The following PAPSS1 variants were observed in gnomAD, a reference collection of about 807,000 sequenced individuals.
PAPSS1 encodes the protein 3'-phosphoadenosine 5'-phosphosulfate synthase 1.
Under a neutral mutation model 72.0 loss-of-function variants are expected in PAPSS1, and 50 were observed. That is an observed-to-expected ratio of 0.69 (90% CI 0.55 to 0.88). The LOEUF is 0.88. Ranked by LOEUF, PAPSS1 falls within the 40% of genes least tolerant of loss-of-function variation. PAPSS1 has a pLI of 0.00. For synonymous variants in PAPSS1, 261 were observed against 263.6 expected (o/e 0.99, Z 0.09); for missense variants, 657 against 782.2 (o/e 0.84, Z 1.91).
chr4:107,665,049 A>C (rs1727280493), intron 5 of PAPSS1, among the ~76,000 whole-genome samples: 2 of 152,222 alleles, frequency 1.3e-5, no homozygotes. Flanking sequence ...AACATTCGAA[A>C]GGTTGCTACT....
At chr4:107,685,427 T>A (rs1433798295) in intron 4 of PAPSS1, among the ~76,000 whole-genome samples, 1 of 152,160 alleles carries the variant, frequency 6.6e-6, no homozygotes, top group Non-Finnish European at 1.5e-5. Flanking sequence ...AGTAAAAGGT[T>A]TAGACTTTAT....
At chr4:107,636,860 C>T (rs989205716) in intron 10 of PAPSS1, among the ~76,000 whole-genome samples, 1 of 152,206 alleles carries the variant, frequency 6.6e-6, no homozygotes, top group Admixed American at 6.5e-5. Context: ...TTATTTGTTT[C>T]AAAATTTCCT....
chr4:107,614,434 T>TA (rs758013737), intron 11 of PAPSS1, 47 bp from the exon 12 acceptor site: 2 of 1,493,476 alleles, frequency 1.3e-6, no homozygotes, highest in East Asian at 2.3e-5. Flanking sequence ...TTTAGAAACT[T>TA]AGATTTTTAA....
intron 2 of PAPSS1, among the ~76,000 whole-genome samples, chr4:107,698,072 T>C (rs2125935524): frequency 6.6e-6 from 1 of 152,272 alleles, no homozygotes; most frequent in East Asian, 1.9e-4. Flanking sequence ...GGAGAATAAA[T>C]TTCTTCCACC....
intron 11 of PAPSS1, among the ~76,000 whole-genome samples, chr4:107,617,207 CTTTTTTT>C (rs111248344): frequency 7.5e-6 from 1 of 132,816 alleles, no homozygotes; most frequent in Non-Finnish European, 1.6e-5. Context: ...GAGTCTTCGG[CTTTTTTT>C]TTTTTTTTTT....
At chr4:107,707,047 A>G (rs552156099) in intron 1 of PAPSS1, among the ~76,000 whole-genome samples, 2 of 152,206 alleles carry the variant, frequency 1.3e-5, no homozygotes, top group South Asian at 4.1e-4. Context: ...ATGGTCTTAC[A>G]GCCTGGGTCA....
chr4:107,666,401 T>C (rs984149751), intron 5 of PAPSS1, among the ~76,000 whole-genome samples: 3 of 152,224 alleles, frequency 2.0e-5, no homozygotes, highest in African/African-American at 4.8e-5. Context: ...TGTTAGTGTT[T>C]TCTATTTTCT....
At chr4:107,679,466 T>C (rs1727744730) in intron 5 of PAPSS1, among the ~76,000 whole-genome samples, 3 of 152,118 alleles carry the variant, frequency 2.0e-5, no homozygotes, top group Admixed American at 2.0e-4. Context: ...ATCAACCTAC[T>C]ACAGTAACAG....
intron 4 of PAPSS1, among the ~76,000 whole-genome samples, chr4:107,683,143 T>C (rs945547786): frequency 2.0e-5 from 3 of 152,160 alleles, no homozygotes; most frequent in African/African-American, 7.2e-5. Context: ...AGGTCATTCT[T>C]AGGTTAGAAT....
At chr4:107,676,876 T>C (rs1578415415) in intron 5 of PAPSS1, among the ~76,000 whole-genome samples, 1 of 151,802 alleles carries the variant, frequency 6.6e-6, no homozygotes, top group East Asian at 1.9e-4. Flanking sequence ...TCAGAAATAA[T>C]GCCACATATC....
intron 5 of PAPSS1, among the ~76,000 whole-genome samples, chr4:107,663,467 T>G (rs1391133277): frequency 6.6e-6 from 1 of 152,138 alleles, no homozygotes; most frequent in Non-Finnish European, 1.5e-5. Flanking sequence ...GAGGATAATA[T>G]TAGTGAGAAC....
At position 107,632,814 on chromosome 4, in the gene PAPSS1, A is replaced by G. The variant is rs536225901; in HGVS notation, c.1507-954T>C. Among the ~76,000 whole-genome samples the G allele has an allele frequency of 3.9e-4, 60 of 152,324 alleles. 2 individuals carry two copies. In the South Asian group the frequency reaches 0.012, roughly 32 times the overall value. On this transcript the variant is annotated intron_variant, in intron 10 of 11. Transcript: ENST00000265174. ...TTTCAGTGTAAGTCTCCATTATTTA[A>G]TAATTTATAAAACCATCACTGTTCC...
intron 11 of PAPSS1, among the ~76,000 whole-genome samples, chr4:107,628,442 G>A (rs1310227582): frequency 6.6e-6 from 1 of 152,086 alleles, no homozygotes; most frequent in South Asian, 2.1e-4. Flanking sequence ...ATAAAAATGA[G>A]GACACAGGGT....
At chr4:107,619,046 A>G (rs1046106390) in intron 11 of PAPSS1, among the ~76,000 whole-genome samples, 4 of 152,204 alleles carry the variant, frequency 2.6e-5, no homozygotes, top group African/African-American at 9.6e-5. Flanking sequence ...GGTCATGTAA[A>G]TCTTAAACTC....
At chr4:107,665,155 C>T in intron 5 of PAPSS1, among the ~76,000 whole-genome samples, 1 of 152,188 alleles carries the variant, frequency 6.6e-6, no homozygotes, top group East Asian at 1.9e-4. Flanking sequence ...TCTGCTCAGT[C>T]TGTGGAAATG....
At chr4:107,692,810 T>C (rs1437198683) in intron 3 of PAPSS1, among the ~76,000 whole-genome samples, 5 of 150,860 alleles carry the variant, frequency 3.3e-5, no homozygotes, top group African/African-American at 5.0e-5. Context: ...TGGAATACTA[T>C]GTAGCTAAAA....
At chr4:107,637,870 C>A (rs1309250356) in intron 10 of PAPSS1, among the ~76,000 whole-genome samples, 3 of 152,136 alleles carry the variant, frequency 2.0e-5, no homozygotes, top group African/African-American at 7.2e-5. Context: ...AAAATCTATA[C>A]CTTAATTAAT....
At position 107,674,765 on chromosome 4, in the gene PAPSS1, T is replaced by C. The variant is rs186003925; in HGVS notation, c.669+7250A>G. ...GCACCACACCGCACTTACTCCAAAATGCACCACATAGTTGGAAGTAAAGCA... is the reference window on the plus strand; with the variant it reads ...GCACCACACCGCACTTACTCCAAAACGCACCACATAGTTGGAAGTAAAGCA... On this transcript the variant is annotated intron_variant, in intron 5 of 11. Coordinates refer to ENST00000265174, the MANE Select transcript of PAPSS1 (RefSeq NM_005443.5). Among the ~76,000 whole-genome samples, 143 of 151,854 alleles carry C rather than the reference T, an allele frequency of 9.4e-4. 2 individuals are homozygous for C. Among genetic ancestry groups the C allele is most frequent in the African/African-American group, 3.2e-3 (130 of 41,208 alleles).
rs549371958 is a variant in PAPSS1, at chr4:107,643,651, C to T, written c.1506+1151G>A. On this transcript the variant is annotated intron_variant, in intron 10 of 11. Transcript: ENST00000265174. ...GCCTATGATGTTAATGTGAGGGTAC[C>T]GATGACTCCTAGGGGGAGGACAAGT... is the stretch of plus-strand genomic sequence containing the variant. Among the ~76,000 whole-genome samples, 91 of 152,072 alleles carry T rather than the reference C, an allele frequency of 6.0e-4. No homozygotes were observed. The Middle Eastern group carries it at 0.027, about 45-fold the overall frequency.
Sources: allele counts gnomAD v4.1 joint callset (sites outside exome capture counted in the v4.1 genomes callset), GRCh38; gene constraint gnomAD v4.1.1; transcripts MANE v1.5; gene names NCBI Gene and HGNC (gene_info 2026-07-23, HGNC 2026-07-21).